The following BCAN variants were observed in gnomAD, a reference collection of about 807,000 sequenced individuals.
BCAN encodes brevican core protein.
Under a neutral mutation model 92.4 loss-of-function variants are expected in BCAN, and 51 were observed. The observed-to-expected ratio is 0.55, with a 90% CI of 0.44 to 0.70. The LOEUF (loss-of-function observed/expected upper bound fraction) is 0.70. Ranked by LOEUF, BCAN falls within the 30% of genes least tolerant of loss-of-function variation. The probability of loss-of-function intolerance (pLI) is 0.00; values close to 1 mark genes in which losing one functional copy is unlikely to be tolerated. For synonymous variants in BCAN, 501 were observed against 505.2 expected, an observed-to-expected ratio of 0.99 and a Z score of 0.11; for missense variants, 1,140 against 1,212.1, an observed-to-expected ratio of 0.94 and a Z score of 0.88.
At chr1:156,650,130 T>A (rs558943067) in intron 6 of BCAN, among the ~76,000 whole-genome samples, 1 of 152,084 alleles carries the variant, frequency 6.6e-6, no homozygotes, top group South Asian at 2.1e-4. Flanking sequence ...ACAGGGGTAG[T>A]AGTAGTAGTA....
chr1:156,658,109 C>T lies in BCAN; in HGVS notation c.2293-18C>T. On this transcript the variant is annotated intron_variant, in intron 11 of 13. Coordinates refer to ENST00000329117, the MANE Select transcript of BCAN (RefSeq NM_021948.5). The surrounding 1 kb of genome is among the most constrained non-coding windows in gnomAD (Gnocchi z 4.4). ...CTCCTGGTGTAGGAGCTCCTCACCA[C>T]CTCCTCCGTTCCCCCAGCTCTATGA... 1.2e-6 allele frequency: 2 copies of T among 1,611,752 alleles called. No individual in the cohort carries two copies. The highest frequency in any genetic ancestry group is 1.7e-6 in the Non-Finnish European group (2 of 1,178,680).
rs1056547913 is a variant in BCAN at position 156,647,809 on chromosome 1, G to A, written c.641+127G>A. On this transcript the variant is annotated intron_variant, in intron 4 of 13. Coordinates refer to ENST00000329117, the MANE Select transcript of BCAN (RefSeq NM_021948.5). The surrounding 1 kb of genome is among the most constrained non-coding windows in gnomAD (Gnocchi z 4.8). ...CTTTTTGCCTCTGGGGGATGAGGCT[G>A]GTCTGAGGAGGGGAGGTGAGGACCC... 6.5e-7 allele frequency: 1 copy of A among 1,528,028 alleles called. No individual in the cohort carries two copies. Among genetic ancestry groups the A allele is most frequent in the Non-Finnish European group, 9.0e-7 (1 of 1,109,594 alleles). The allele number at this position is 1,528,028 out of a possible 1,614,324, so 94.7% of individuals were successfully genotyped here.
Position 156,658,944 on chromosome 1 carries a change from G to T in BCAN, c.2629-83G>T. 1 of 1,397,984 alleles carries T rather than the reference G, an allele frequency of 7.2e-7. No individual in the cohort carries two copies. Among genetic ancestry groups the T allele is most frequent in the Non-Finnish European group, 9.8e-7 (1 of 1,017,382 alleles). 86.6% of individuals were successfully genotyped at this position (1,397,984 alleles called of 1,614,324 possible). A position where few individuals can be genotyped will look rare whatever the true frequency, so the allele number is the denominator to read the frequency against. On this transcript the variant is annotated intron_variant, in intron 13 of 13. Transcript: ENST00000329117. This position sits in a 1 kb window ranked among gnomAD's most constrained non-coding sequence, Gnocchi z 4.4. ...GCAGCCCCATTCTGGGCTCTTACGG[G>T]CTGAGCAAGAACATCAGAGGGCAGG...
intron 8 of BCAN, among the ~76,000 whole-genome samples, chr1:156,655,250 A>G (rs1342944473): frequency 1.3e-5 from 2 of 152,252 alleles, no homozygotes; most frequent in Non-Finnish European, 2.9e-5. Context: ...TCCTAAGGAC[A>G]GCCACCTCCT....
intron 10 of BCAN, 171 bp downstream of exon 10, chr1:156,657,267 A>C: frequency 4.2e-6 from 4 of 942,432 alleles, no homozygotes; most frequent in Non-Finnish European, 6.1e-6. Flanking sequence ...TTCCCACCCT[A>C]CGCTTAGGCA....
rs147244721 is a variant in BCAN at position 156,655,357 on chromosome 1, G to A, written c.1943-925G>A. On this transcript the variant is annotated intron_variant, in intron 8 of 13. Coordinates refer to ENST00000329117, the MANE Select transcript of BCAN (RefSeq NM_021948.5). ...AGATTGCAGACCTTCAGGGCAGTGT[G>A]TTAGTCTAAGAGGACTGCCTGGAGG... 7.2e-5 allele frequency among the ~76,000 whole-genome samples: 11 copies of A among 152,360 alleles called. No individual in the cohort carries two copies. In the East Asian group the frequency reaches 1.2e-3, roughly 16 times the overall value.
chr1:156,650,120 A>G lies in BCAN; in HGVS notation c.1063+1259A>G, dbSNP rs533793975. On this transcript the variant is annotated intron_variant, in intron 6 of 13. Coordinates refer to ENST00000329117, the MANE Select transcript of BCAN (RefSeq NM_021948.5). Reference sequence around the variant, plus strand: ...GGTCCATCTGAAAAGACCTCCTGGAACAGGGGTAGTAGTAGTAGTAGTAGT... The same window carrying G: ...GGTCCATCTGAAAAGACCTCCTGGAGCAGGGGTAGTAGTAGTAGTAGTAGT... 4.6e-4 allele frequency among the ~76,000 whole-genome samples: 70 copies of G among 152,174 alleles called. No homozygotes were observed. In the South Asian group the frequency reaches 0.014, roughly 31 times the overall value.
intron 7 of BCAN, 124 bp downstream of exon 7, chr1:156,651,813 C>T: frequency 1.2e-6 from 1 of 856,418 alleles, no homozygotes; most frequent in Non-Finnish European, 1.8e-6. Context: ...CTCAGTAGCT[C>T]AGGGGTGCAG....
At chr1:156,653,100 C>T in intron 8 of BCAN, 6 of 1,421,152 alleles carry the variant, frequency 4.2e-6, no homozygotes, top group Non-Finnish European at 5.5e-6. Context: ...CGTCTTTACC[C>T]TGTGATCCCA....
Position 156,652,332 on chromosome 1 carries a change from A to G in BCAN, c.1382A>G (p.Asp461Gly). The change falls in exon 8 of 14, where the codon GAT becomes GGT. Residue 461 changes from aspartate to glycine, a missense_variant. Asp to Gly is a moderately conservative substitution (Grantham distance 94). This residue lies in a region of BCAN where 825 missense variants were observed against 871.8 expected (regional missense o/e 0.95). Coordinates refer to ENST00000329117, the MANE Select transcript of BCAN (RefSeq NM_021948.5). Reference sequence around the variant, plus strand: ...TTGGAGGAAGAAGAGAAATATGAAGATGAAGAAGAGAAAGAGGAGGAAGAA... The same window carrying G: ...TTGGAGGAAGAAGAGAAATATGAAGGTGAAGAAGAGAAAGAGGAGGAAGAA... Reference protein sequence around the residue: ...KALEEEEKYEDEEEKEEEEEE... With the variant: ...KALEEEEKYEGEEEKEEEEEE... The G allele has an allele frequency of 1.2e-6, 2 of 1,614,088 alleles. No individual in the cohort carries two copies. Among genetic ancestry groups the G allele is most frequent in the South Asian group, 2.2e-5 (2 of 91,064 alleles).
rs1464783906 is a variant in BCAN, at chr1:156,649,045, G to C, written c.1063+184G>C. 2.6e-5 allele frequency among the ~76,000 whole-genome samples: 4 copies of C among 152,158 alleles called. No individual in the cohort carries two copies. In the East Asian group the frequency reaches 7.7e-4, roughly 29 times the overall value. ...GGGCATGCCCTCTGGTGTGGTGTCT[G>C]TCAGCTGTTTGGCCCAAGGAGTAGT... On this transcript the variant is annotated intron_variant, in intron 6 of 13. Transcript: ENST00000329117.
At chr1:156,652,196 G>T (rs1000595108) in intron 7 of BCAN, 52 bp from the exon 8 acceptor site, 2 of 1,524,180 alleles carry the variant, frequency 1.3e-6, no homozygotes, top group Admixed American at 2.2e-5. Context: ...TTTTCCTTTC[G>T]GTCCTTGGAC....
At chr1:156,656,791 T>C (rs1211095261) in intron 9 of BCAN, 147 bp from the exon 10 acceptor site, 3 of 1,110,934 alleles carry the variant, frequency 2.7e-6, no homozygotes, top group Non-Finnish European at 2.5e-6. Flanking sequence ...TACCCCCTCA[T>C]TCTCTACTAG....
intron 8 of BCAN, among the ~76,000 whole-genome samples, chr1:156,654,630 T>C (rs554900866): frequency 6.6e-6 from 1 of 152,316 alleles, no homozygotes; most frequent in African/African-American, 2.4e-5. Context: ...GAGGGGCCTA[T>C]GGCTTGGGTA....
rs1249720565 is a variant in BCAN, at chr1:156,656,698, C to T, written c.2051-240C>T. ...CTGCTCGTTAGGATGGAGACCCAGGCCGGAACTCCATCCCTCACCCTGGTT... is the reference window on the plus strand; with the variant it reads ...CTGCTCGTTAGGATGGAGACCCAGGTCGGAACTCCATCCCTCACCCTGGTT... On this transcript the variant is annotated intron_variant, in intron 9 of 13. Coordinates refer to ENST00000329117, the MANE Select transcript of BCAN (RefSeq NM_021948.5). 4 of 568,358 alleles carry T rather than the reference C, an allele frequency of 7.0e-6. No individual in the cohort carries two copies. In the South Asian group the frequency reaches 1.1e-4, roughly 15 times the overall value. The allele number at this position is 568,358 out of a possible 1,614,324, so 35.2% of individuals were successfully genotyped here.
intron 7 of BCAN, 94 bp downstream of exon 7, chr1:156,651,783 A>G (rs1240457055): frequency 3.5e-6 from 4 of 1,139,552 alleles, no homozygotes; most frequent in East Asian, 2.4e-5. Flanking sequence ...GATGGATGAC[A>G]TGACTCTGCC....
At position 156,651,621 on chromosome 1, in the gene BCAN, T is replaced by C; in HGVS notation, c.1229T>C (p.Ile410Thr). The C allele has an allele frequency of 6.2e-7, 1 of 1,613,708 alleles. No individual in the cohort carries two copies. The highest frequency in any genetic ancestry group is 8.5e-7 in the Non-Finnish European group (1 of 1,179,982). The change falls in exon 7 of 14, where the codon ATC (isoleucine) becomes ACC (threonine). Residue 410 changes from isoleucine to threonine, a missense_variant. This residue lies in a region of BCAN where 825 missense variants were observed against 871.8 expected (regional missense o/e 0.95). Coordinates refer to ENST00000329117, the MANE Select transcript of BCAN (RefSeq NM_021948.5). ...ESRGAIYSIP[I>T]MEDGGGGSST... ...CGTGGGGCCATCTACTCCATCCCCA[T>C]CATGGAGGACGGAGGAGGTGGAAGC... is the stretch of plus-strand genomic sequence containing the variant.
intron 1 of BCAN, chr1:156,644,729 G>A (rs78637010): frequency 0.036 from 5,433 of 152,394 alleles, 128 homozygotes; most frequent in Non-Finnish European, 0.053. Flanking sequence ...AAAGTGCAGG[G>A]ACAGGTATGA....
chr1:156,657,594 A>G, intron 10 of BCAN, 81 bp from the exon 11 acceptor site: 1 of 1,165,694 alleles, frequency 8.6e-7, no homozygotes, highest in Non-Finnish European at 1.2e-6. Context: ...TTTCCAAGGC[A>G]GTCACCGCAG....
Sources: gnomAD v4.1 joint callset for allele counts (sites outside exome capture counted in the v4.1 genomes callset) on GRCh38, gnomAD v4.1.1 for gene constraint, gnomAD v4.1.1 regional missense constraint, Gnocchi (gnomAD v3.1) non-coding constraint, MANE v1.5 for transcripts, NCBI Gene and HGNC (gene_info 2026-07-23, HGNC 2026-07-21) for gene names.